The following NUFIP1 variants were observed in gnomAD, a reference collection of about 807,000 sequenced individuals.
NUFIP1 encodes FMR1-interacting protein NUFIP1.
In NUFIP1, 38 loss-of-function variants were observed where a neutral mutation model predicts 56.2. The observed-to-expected ratio is 0.68, with a 90% CI of 0.52 to 0.89. The LOEUF is 0.89. NUFIP1 is among the 40% of genes least tolerant of loss of function. The probability of loss-of-function intolerance (pLI) is 0.00; values close to 1 mark genes in which losing one functional copy is unlikely to be tolerated. For synonymous variants in NUFIP1, 215 were observed against 212.4 expected (o/e 1.01, Z -0.10); for missense variants, 567 against 605.8 (o/e 0.94, Z 0.67).
rs1263354118 is a variant in NUFIP1 at position 44,949,855 on chromosome 13, T to A, written c.1022-17A>T. ...TATCAGACTCTGAAGGGAAAAGAAG[T>A]CAGATTCAAAACATCTACCACCATA... On this transcript the variant is annotated splice_polypyrimidine_tract_variant and intron_variant, in intron 7 of 9. Transcript: ENST00000379161. 7.4e-7 allele frequency: 1 copy of A among 1,342,822 alleles called. No homozygotes were observed. The highest frequency in any genetic ancestry group is 1.5e-5 in the African/African-American group (1 of 68,780). The allele number at this position is 1,342,822 out of a possible 1,614,324, so 83.2% of individuals were successfully genotyped here. A position where few individuals can be genotyped will look rare whatever the true frequency, so the allele number is the denominator to read the frequency against.
chr13:44,984,308 AG>A (rs915277203), intron 1 of NUFIP1, among the ~76,000 whole-genome samples: 1 of 152,206 alleles, frequency 6.6e-6, no homozygotes, highest in African/African-American at 2.4e-5. Context: ...CATCTGACTC[AG>A]CCAAGTCCGT....
intron 8 of NUFIP1, among the ~76,000 whole-genome samples, chr13:44,946,697 G>C (rs1370757622): frequency 6.6e-6 from 1 of 152,178 alleles, no homozygotes; most frequent in Non-Finnish European, 1.5e-5. Flanking sequence ...AGTCAAGACA[G>C]ATCTTAATTA....
At chr13:44,981,507 C>T (rs183985092) in intron 2 of NUFIP1, among the ~76,000 whole-genome samples, 7 of 152,232 alleles carry the variant, frequency 4.6e-5, no homozygotes, top group South Asian at 4.2e-4. Flanking sequence ...CTAACTGTTG[C>T]GTTGTTCAAG....
intron 2 of NUFIP1, 139 bp downstream of exon 2, chr13:44,981,933 A>ATAAAACATGTTTAACCG: frequency 8.8e-6 from 1 of 113,640 alleles, no homozygotes; most frequent in Non-Finnish European, 2.5e-5. Context: ...ATGTTTAACC[A>ATAAAACATGTTTAACCG]TAAAATTCCT....
intron 8 of NUFIP1, among the ~76,000 whole-genome samples, chr13:44,947,234 CT>C (rs899115570): frequency 0.011 from 1,338 of 124,304 alleles, 5 homozygotes; most frequent in African/African-American, 0.033. Context: ...AAGCTTATTC[CT>C]TTTTTTTTTT....
intron 9 of NUFIP1, among the ~76,000 whole-genome samples, chr13:44,942,700 T>A (rs980635478): frequency 2.0e-5 from 3 of 152,216 alleles, no homozygotes; most frequent in African/African-American, 7.2e-5. Flanking sequence ...AACTTGAAGA[T>A]GCATTGCTTC....
Position 44,988,325 on chromosome 13 carries a change from C to CA in NUFIP1, c.412+699dup, listed in dbSNP as rs1458052317. Among the ~76,000 whole-genome samples the CA allele has an allele frequency of 6.6e-5, 10 of 152,270 alleles. No individual in the cohort carries two copies. The South Asian group carries it at 2.1e-3, about 32-fold the overall frequency. On this transcript the variant is annotated intron_variant, in intron 1 of 9. Coordinates refer to ENST00000379161, the MANE Select transcript of NUFIP1 (RefSeq NM_012345.3). Reference sequence around the variant, plus strand: ...GTCCCAGCTACTCAGGAGTTTGAGGCATGAGAATTGCTTGAACTCGGGAGG... The same window carrying CA: ...GTCCCAGCTACTCAGGAGTTTGAGGCAATGAGAATTGCTTGAACTCGGGAGG...
In NUFIP1 at chr13:44,940,533, A is replaced by T. The variant is rs1593354538; in HGVS notation, c.*673T>A. 1 of 152,368 alleles carries T rather than the reference A, an allele frequency of 6.6e-6. No individual in the cohort carries two copies. The highest frequency in any genetic ancestry group is 1.9e-4 in the East Asian group (1 of 5,188). The allele number at this position is 152,368 out of a possible 1,614,324, so 9.4% of individuals were successfully genotyped here. A position where few individuals can be genotyped will look rare whatever the true frequency, so the allele number is the denominator to read the frequency against. On this transcript the variant is annotated 3_prime_UTR_variant, in exon 10 of 10. Coordinates refer to ENST00000379161, the MANE Select transcript of NUFIP1 (RefSeq NM_012345.3). ...AGCTCAAATTCCCTGGTATTATAGG[A>T]GACAAAAAGATCTCAATAGCTTTCA...
In NUFIP1 at chr13:44,943,579, C is replaced by T. The variant is rs1870818528; in HGVS notation, c.1234G>A (p.Val412Ile). 6.2e-7 allele frequency: 1 copy of T among 1,614,002 alleles called. No homozygotes were observed. The highest frequency in any genetic ancestry group is 1.3e-5 in the African/African-American group (1 of 74,912). The stretch of plus-strand genomic sequence containing the variant: ...CTCTTGGCTTCTGAAAAATTTCTAA[C>T]AGTTGCTTTAACATCTTGACTTGGA... The part of the protein sequence containing the change: ...KSPSQDVKAT[V>I]RNFSEAKSEN... Residue 412 changes from valine (V) to isoleucine (I), a missense_variant, in exon 9 of 10, where the codon GTT becomes ATT. Coordinates refer to ENST00000379161, the MANE Select transcript of NUFIP1 (RefSeq NM_012345.3).
intron 5 of NUFIP1, among the ~76,000 whole-genome samples, chr13:44,970,101 T>C (rs1203318695): frequency 6.6e-6 from 1 of 152,152 alleles, no homozygotes; most frequent in African/African-American, 2.4e-5. Flanking sequence ...TGTTCCACTG[T>C]TTCTATAATA....
At chr13:44,964,182 G>GT (rs1048414231) in intron 6 of NUFIP1, among the ~76,000 whole-genome samples, 12 of 151,842 alleles carry the variant, frequency 7.9e-5, no homozygotes, top group South Asian at 2.1e-4. Context: ...GTAAGCAAAA[G>GT]TTTTTTTTAA....
In NUFIP1 at chr13:44,989,454, A is replaced by C; in HGVS notation, c.-18T>G. 1.2e-6 allele frequency: 2 copies of C among 1,610,828 alleles called. No homozygotes were observed. The highest frequency in any genetic ancestry group is 1.7e-6 in the Non-Finnish European group (2 of 1,178,484). ...TCAGCCATACCACTGGCGGGTCCGGAGTCTAGCACGCGACTGTGGAGCAAG... is the reference window on the plus strand; with the variant it reads ...TCAGCCATACCACTGGCGGGTCCGGCGTCTAGCACGCGACTGTGGAGCAAG... On this transcript the variant is annotated 5_prime_UTR_variant, in exon 1 of 10. Transcript: ENST00000379161.
chr13:44,958,827 T>C (rs575182305), intron 7 of NUFIP1, among the ~76,000 whole-genome samples: 1 of 152,356 alleles, frequency 6.6e-6, no homozygotes, highest in African/African-American at 2.4e-5. Flanking sequence ...ACACCAGCAT[T>C]TTAATGCTTT....
rs1012662689 is a variant in NUFIP1 at position 44,940,010 on chromosome 13, A to T, written c.*1196T>A. ...TGGGAATCACATCTTTGAATATATC[A>T]AAATTAAACTGAGTTCCTTGAAGTC... On this transcript the variant is annotated 3_prime_UTR_variant, in exon 10 of 10. Transcript: ENST00000379161. The T allele has an allele frequency of 2.0e-5, 3 of 152,208 alleles. No homozygotes were observed. The highest frequency in any genetic ancestry group is 2.1e-4 in the South Asian group (1 of 4,832). The allele number at this position is 152,208 out of a possible 1,614,324, so 9.4% of individuals were successfully genotyped here. A position where few individuals can be genotyped will look rare whatever the true frequency, so the allele number is the denominator to read the frequency against.
At chr13:44,969,372 A>C (rs181200432) in intron 5 of NUFIP1, among the ~76,000 whole-genome samples, 2 of 152,334 alleles carry the variant, frequency 1.3e-5, no homozygotes, top group East Asian at 3.9e-4. Flanking sequence ...GAAGGAGTTC[A>C]GGTTCCTAAA....
At chr13:44,973,130 T>A (rs1593367341) in intron 5 of NUFIP1, among the ~76,000 whole-genome samples, 1 of 152,238 alleles carries the variant, frequency 6.6e-6, no homozygotes. Context: ...CTCTAGCCAG[T>A]GGAAATTTTT....
intron 7 of NUFIP1, among the ~76,000 whole-genome samples, chr13:44,951,379 A>C (rs1297399958): frequency 6.6e-6 from 1 of 152,250 alleles, no homozygotes; most frequent in Admixed American, 6.5e-5. Context: ...GGGATGAAAC[A>C]AAAATCCAGA....
At position 44,976,160 on chromosome 13, in the gene NUFIP1, C is replaced by T. The variant is rs567466370; in HGVS notation, c.734+3030G>A. ...ACCTAGTGTCTTAGCAGTTAGGCCACTTCCATCCCATCCAGCAGGATACAA... is the reference window on the plus strand; with the variant it reads ...ACCTAGTGTCTTAGCAGTTAGGCCATTTCCATCCCATCCAGCAGGATACAA... On this transcript the variant is annotated intron_variant, in intron 5 of 9. Transcript: ENST00000379161. 1.9e-4 allele frequency among the ~76,000 whole-genome samples: 29 copies of T among 152,354 alleles called. No individual in the cohort carries two copies. In the South Asian group the frequency reaches 5.8e-3, roughly 30 times the overall value.
Position 44,949,816 on chromosome 13 carries a change from T to C in NUFIP1, c.1044A>G (p.Pro348=), listed in dbSNP as rs1871029197. 6.2e-6 allele frequency: 10 copies of C among 1,614,040 alleles called. No homozygotes were observed. The highest frequency in any genetic ancestry group is 7.6e-6 in the Non-Finnish European group (9 of 1,179,870). The part of the protein sequence containing the change: ...SDSESDKEEK[P]QHSVIPKEVT... ...CTTCCTTGGGTATCACAGAATGTTG[T>C]GGTTTCTCCTCCTTATCAGACTCTG... The change falls in exon 8 of 10, where the codon CCA becomes CCG. Residue 348 remains proline, a synonymous_variant. Coordinates refer to ENST00000379161, the MANE Select transcript of NUFIP1 (RefSeq NM_012345.3).
Sources: allele counts gnomAD v4.1 joint callset (sites outside exome capture counted in the v4.1 genomes callset), GRCh38; gene constraint gnomAD v4.1.1; transcripts MANE v1.5; gene names NCBI Gene and HGNC (gene_info 2026-07-23, HGNC 2026-07-21).